TTC1: variants seen among roughly 807,000 people sequenced by gnomAD.
The protein encoded by TTC1 is tetratricopeptide repeat protein 1.
Under a neutral mutation model 37.6 loss-of-function variants are expected in TTC1, and 31 were observed. That is an observed-to-expected ratio of 0.82 (90% CI 0.62 to 1.11). TTC1 has a LOEUF of 1.11. Among genes scored for constraint, TTC1 ranks in the 50% most tolerant of loss-of-function variants. The pLI, the probability that TTC1 is intolerant of heterozygous loss-of-function variation, is 0.00. For missense variants in TTC1, 351 were observed against 339.0 expected (o/e 1.04, Z -0.28); for synonymous variants, 127 against 122.4 (o/e 1.04, Z -0.25).
At chr5:160,028,730 T>C (rs1756854888) in intron 2 of TTC1, among the ~76,000 whole-genome samples, 1 of 152,080 alleles carries the variant, frequency 6.6e-6, no homozygotes, top group Non-Finnish European at 1.5e-5. Context: ...CACCTCGACC[T>C]CCCAAAGTAC....
chr5:160,059,111 C>G (rs1311022246), intron 7 of TTC1, among the ~76,000 whole-genome samples: 1 of 152,190 alleles, frequency 6.6e-6, no homozygotes, highest in South Asian at 2.1e-4. Context: ...GAGAGTCAGC[C>G]TATCCTTTGA....
At chr5:160,036,322 A>G (rs902940389) in intron 3 of TTC1, among the ~76,000 whole-genome samples, 5 of 152,172 alleles carry the variant, frequency 3.3e-5, no homozygotes, top group Non-Finnish European at 7.3e-5. Context: ...CCCAGAGTTT[A>G]GTCTCTTTCC....
intron 4 of TTC1, among the ~76,000 whole-genome samples, chr5:160,040,737 C>G (rs1347644824): frequency 6.6e-6 from 1 of 151,766 alleles, no homozygotes. Context: ...CAGACCTGCA[C>G]TACCACTCCC....
At chr5:160,045,520 A>ACACACACTCTCT (rs1202139318) in intron 5 of TTC1, among the ~76,000 whole-genome samples, 2 of 54,904 alleles carry the variant, frequency 3.6e-5, no homozygotes, top group East Asian at 6.3e-4. Context: ...ACACATACAC[A>ACACACACTCTCT]CTCTCTCTCT....
intron 4 of TTC1, among the ~76,000 whole-genome samples, chr5:160,042,737 T>C (rs1228660736): frequency 1.3e-5 from 2 of 152,238 alleles, no homozygotes; most frequent in African/African-American, 2.4e-5. Context: ...TATACCACTT[T>C]GGGGTATGAT....
At chr5:160,048,079 A>T (rs961585517) in intron 5 of TTC1, among the ~76,000 whole-genome samples, 2 of 145,890 alleles carry the variant, frequency 1.4e-5, no homozygotes, top group African/African-American at 5.0e-5. Flanking sequence ...TTTAAAAATT[A>T]AGGATAGATT....
chr5:160,051,632 A>T (rs889633119), intron 7 of TTC1, among the ~76,000 whole-genome samples: 1 of 152,216 alleles, frequency 6.6e-6, no homozygotes, highest in Non-Finnish European at 1.5e-5. Flanking sequence ...TTGAGAACAC[A>T]CGAGAGGGCA....
chr5:160,034,296 C>T (rs1415814947), intron 2 of TTC1, among the ~76,000 whole-genome samples: 1 of 152,182 alleles, frequency 6.6e-6, no homozygotes, highest in Non-Finnish European at 1.5e-5. Flanking sequence ...TGCACACACT[C>T]AGCATGCGTC....
Position 160,049,646 on chromosome 5 carries a change from C to T in TTC1, c.674C>T (p.Ala225Val). The change falls in exon 6 of 8, where the codon GCA becomes GTA. Residue 225 changes from alanine to valine, a missense_variant. By Grantham distance (64) the Ala-to-Val change is moderately conservative. Transcript: ENST00000231238. Reference protein sequence around the residue: ...ILEKDPSIHQAREACMRLPKQ... With the variant: ...ILEKDPSIHQVREACMRLPKQ... ...GAAAAAGATCCATCAATACATCAAGCAAGAGAAGCTTGTATGGTAAAACCT... is the reference window on the plus strand; with the variant it reads ...GAAAAAGATCCATCAATACATCAAGTAAGAGAAGCTTGTATGGTAAAACCT... 6.3e-7 allele frequency: 1 copy of T among 1,583,448 alleles called. No homozygotes were observed.
chr5:160,027,710 A>C (rs1356688007), intron 2 of TTC1, among the ~76,000 whole-genome samples: 1 of 152,136 alleles, frequency 6.6e-6, no homozygotes, highest in Non-Finnish European at 1.5e-5. Context: ...TTTTTCCTTC[A>C]TCTTGAGGTA....
chr5:160,024,589 C>T (rs7711228), intron 2 of TTC1, among the ~76,000 whole-genome samples: 22,700 of 151,892 alleles, frequency 0.15, 1,904 homozygotes, highest in East Asian at 0.26. Context: ...CTCAAACTTA[C>T]GGGCTCAAGT....
At chr5:160,043,399 C>G (rs1319793802) in intron 5 of TTC1, among the ~76,000 whole-genome samples, 1 of 152,282 alleles carries the variant, frequency 6.6e-6, no homozygotes, top group Non-Finnish European at 1.5e-5. Flanking sequence ...ATTCAGTGCT[C>G]TAGCCTGGGC....
At chr5:160,060,728 G>C (rs1422946085) in intron 7 of TTC1, among the ~76,000 whole-genome samples, 1 of 152,136 alleles carries the variant, frequency 6.6e-6, no homozygotes, top group Non-Finnish European at 1.5e-5. Flanking sequence ...ATATATTTAG[G>C]AGACTGAGCT....
At chr5:160,034,533 G>A (rs1249822431) in intron 2 of TTC1, among the ~76,000 whole-genome samples, 1 of 152,080 alleles carries the variant, frequency 6.6e-6, no homozygotes, top group Admixed American at 6.6e-5. Context: ...TCTCCTTCAT[G>A]ACACAAACCA....
intron 2 of TTC1, among the ~76,000 whole-genome samples, chr5:160,014,287 G>A (rs535301609): frequency 6.6e-6 from 1 of 152,000 alleles, no homozygotes; most frequent in East Asian, 1.9e-4. Context: ...GAACCCAGGA[G>A]GTCGAGGTTG....
intron 2 of TTC1, 53 bp from the exon 3 acceptor site, chr5:160,035,087 G>T: frequency 6.8e-7 from 1 of 1,476,704 alleles, no homozygotes; most frequent in South Asian, 1.4e-5. Context: ...TCACCTTTTT[G>T]TTCACTTATA....
At chr5:160,017,388 C>T (rs141074308) in intron 2 of TTC1, among the ~76,000 whole-genome samples, 57 of 152,294 alleles carry the variant, frequency 3.7e-4, no homozygotes, top group Non-Finnish European at 7.1e-4. Flanking sequence ...TGTGTCCCTA[C>T]ATGGCAGCAG....
At position 160,052,114 on chromosome 5, in the gene TTC1, G is replaced by A. The variant is rs552922470; in HGVS notation, c.745+931G>A. ...GGCCCCTGCCGGGTAGACTCAGACT[G>A]TAAAGACGGCTGCTTCCGATTCAGG... is the stretch of plus-strand genomic sequence containing the variant. On this transcript the variant is annotated intron_variant, in intron 7 of 7. Coordinates refer to ENST00000231238, the MANE Select transcript of TTC1 (RefSeq NM_003314.3). Among the ~76,000 whole-genome samples, 5 of 152,340 alleles carry A rather than the reference G, an allele frequency of 3.3e-5. No homozygotes were observed. The South Asian group carries it at 8.3e-4, about 25-fold the overall frequency.
chr5:160,049,755 C>T, intron 6 of TTC1, 93 bp downstream of exon 6: 1 of 1,145,956 alleles, frequency 8.7e-7, no homozygotes, highest in Non-Finnish European at 1.2e-6. Flanking sequence ...CAATTAAATT[C>T]CATTTCTGTG....
Sources: allele counts gnomAD v4.1 joint callset (sites outside exome capture counted in the v4.1 genomes callset), GRCh38; gene constraint gnomAD v4.1.1; transcripts MANE v1.5; gene names NCBI Gene and HGNC (gene_info 2026-07-23, HGNC 2026-07-21).